Variants in ADGRB1 observed in about 807,000 individuals in gnomAD.
ADGRB1 encodes brain-specific angiogenesis inhibitor 1.
A neutral mutation model predicts 175.7 loss-of-function variants in ADGRB1; 36 were observed. The ratio of observed to expected loss-of-function variants is 0.20; its 90% confidence interval spans 0.16 to 0.27. The LOEUF (loss-of-function observed/expected upper bound fraction) is 0.27, where lower values mean the gene tolerates loss of function less well. Ranked by LOEUF, ADGRB1 falls within the 10% of genes least tolerant of loss-of-function variation. The probability of loss-of-function intolerance (pLI) is 1.00; values close to 1 mark genes in which losing one functional copy is unlikely to be tolerated. For synonymous variants in ADGRB1, 1,054 were observed against 979.4 expected (o/e 1.08, Z -1.42); for missense variants, 1,731 against 2,255.3 (o/e 0.77, Z 4.71).
chr8:142,521,575 C>T (rs372855767), intron 20 of ADGRB1, among the ~76,000 whole-genome samples: 2 of 152,242 alleles, frequency 1.3e-5, no homozygotes, highest in African/African-American at 4.8e-5. Context: ...AGCTCAGGGC[C>T]GCTGTGTGGG....
At chr8:142,482,131 G>A (rs1841380569) in intron 11 of ADGRB1, among the ~76,000 whole-genome samples, 2 of 144,362 alleles carry the variant, frequency 1.4e-5, no homozygotes, top group Non-Finnish European at 3.0e-5. Flanking sequence ...CCTGACCCTT[G>A]TCACAAACTG....
In ADGRB1 at chr8:142,490,792, T is replaced by C; in HGVS notation, c.2652T>C (p.Cys884=). ...CCCAGGGCACCACCAACCAGACCTG[T>C]ATCCTGTGGGATGAGACGGATGTGT... ...HMYNGTTNQT[C]ILWDETDVPS... Residue 884 remains cysteine (C), a synonymous_variant, in exon 17 of 31, where the codon TGT becomes TGC. Coordinates refer to ENST00000517894, the MANE Select transcript of ADGRB1 (RefSeq NM_001702.3). 6.3e-7 allele frequency: 1 copy of C among 1,584,800 alleles called. No homozygotes were observed. The highest frequency in any genetic ancestry group is 8.6e-7 in the Non-Finnish European group (1 of 1,165,310).
intron 2 of ADGRB1, among the ~76,000 whole-genome samples, chr8:142,469,589 ATGTGTGTGTGCACGTGCATG>A (rs779203206): frequency 2.9e-4 from 29 of 100,584 alleles, no homozygotes; most frequent in Non-Finnish European, 4.7e-4. Flanking sequence ...GCATGTGTGA[ATGTGTGTGTGCACGTGCATG>A]TGTGTGTATG....
intron 24 of ADGRB1, among the ~76,000 whole-genome samples, chr8:142,530,068 G>A (rs1252105927): frequency 1.3e-5 from 2 of 152,146 alleles, no homozygotes; most frequent in African/African-American, 2.4e-5. Flanking sequence ...ATATACATGT[G>A]AGTGTGCATC....
At position 142,492,935 on chromosome 8, in the gene ADGRB1, C is replaced by T. The variant is rs1457805612; in HGVS notation, c.2675+2120C>T. ...CCCTCCATCCGGGCTGTTCGCCGGCCGCGGCAGCTCTCGGGGGGCTGCGCC... is the reference window on the plus strand; with the variant it reads ...CCCTCCATCCGGGCTGTTCGCCGGCTGCGGCAGCTCTCGGGGGGCTGCGCC... On this transcript the variant is annotated intron_variant, in intron 17 of 30. Coordinates refer to ENST00000517894, the MANE Select transcript of ADGRB1 (RefSeq NM_001702.3). The surrounding 1 kb of genome is among the most constrained non-coding windows in gnomAD (Gnocchi z 4.4). Among the ~76,000 whole-genome samples, 3 of 151,996 alleles carry T rather than the reference C, an allele frequency of 2.0e-5. No homozygotes were observed. The highest frequency in any genetic ancestry group is 2.0e-4 in the East Asian group (1 of 5,126).
At chr8:142,469,981 C>T (rs1038771844) in intron 2 of ADGRB1, among the ~76,000 whole-genome samples, 2 of 152,216 alleles carry the variant, frequency 1.3e-5, no homozygotes, top group African/African-American at 4.8e-5. Context: ...GTCCATGTCC[C>T]TAGCAGGCAA....
chr8:142,514,667 G>C (rs182435620), intron 18 of ADGRB1, among the ~76,000 whole-genome samples: 1 of 152,234 alleles, frequency 6.6e-6, no homozygotes, highest in Non-Finnish European at 1.5e-5. Flanking sequence ...AGGTTCAGGG[G>C]TGTGATCATG....
At chr8:142,488,540 A>G (rs1841811263) in intron 14 of ADGRB1, 33 bp downstream of exon 14, 1 of 1,604,178 alleles carries the variant, frequency 6.2e-7, no homozygotes, top group Non-Finnish European at 8.5e-7. Flanking sequence ...GGGGACCTTC[A>G]TGGGGGACGT....
In ADGRB1 at chr8:142,543,790, T is replaced by TCATCCATC; in HGVS notation, c.4557+102_4557+109dup. ...CCCTTCTTCCCTGGATTTGTGCACT[T>TCATCCATC]CATCCATCCATCCATCCATCCATCC... On this transcript the variant is annotated intron_variant, in intron 30 of 30. Transcript: ENST00000517894. This position sits in a 1 kb window ranked among gnomAD's most constrained non-coding sequence, Gnocchi z 4.4. 1 of 1,248,316 alleles carries TCATCCATC rather than the reference T, an allele frequency of 8.0e-7. No homozygotes were observed. Among genetic ancestry groups the TCATCCATC allele is most frequent in the South Asian group, 1.3e-5 (1 of 77,442 alleles). 77.3% of individuals were successfully genotyped at this position (1,248,316 alleles called of 1,614,324 possible).
Position 142,464,729 on chromosome 8 carries a change from G to A in ADGRB1, c.531G>A (p.Gly177=), listed in dbSNP as rs1474038666. Reference sequence around the variant, plus strand: ...TCTCCGTGGAGTACCTGGTGGTGGGGAACCGCAACCCCAGCCGTGCCGCCT... The same window carrying A: ...TCTCCGTGGAGTACCTGGTGGTGGGAAACCGCAACCCCAGCCGTGCCGCCT... The part of the protein sequence containing the change: ...DDFSVEYLVV[G]NRNPSRAACQ... Residue 177 remains glycine (G), a synonymous_variant, in exon 2 of 31, where the codon GGG becomes GGA. Transcript: ENST00000517894. 1.3e-6 allele frequency: 2 copies of A among 1,533,970 alleles called. No individual in the cohort carries two copies. The highest frequency in any genetic ancestry group is 2.4e-5 in the South Asian group (2 of 83,922).
At position 142,510,673 on chromosome 8, in the gene ADGRB1, C is replaced by A. The variant is rs941599087; in HGVS notation, c.2676-259C>A. ...CCGCCCCGCCCCCGATCGCTCGGCT[C>A]CCCCGCCCGGCGCTCCCTCGGGCTG... On this transcript the variant is annotated intron_variant, in intron 17 of 30. Transcript: ENST00000517894. The surrounding 1 kb of genome is among the most constrained non-coding windows in gnomAD (Gnocchi z 6.3). Among the ~76,000 whole-genome samples, 1 of 145,542 alleles carries A rather than the reference C, an allele frequency of 6.9e-6. No homozygotes were observed. The highest frequency in any genetic ancestry group is 2.5e-5 in the African/African-American group (1 of 40,630).
intron 24 of ADGRB1, among the ~76,000 whole-genome samples, chr8:142,528,354 GC>G (rs1485703838): frequency 5.3e-5 from 8 of 152,152 alleles, no homozygotes; most frequent in African/African-American, 1.9e-4. Context: ...GCAGCCCTCA[GC>G]CCTGCCCACC....
Position 142,511,009 on chromosome 8 carries a change from G to A in ADGRB1, c.2753G>A (p.Arg918Gln). The A allele has an allele frequency of 1.5e-6, 2 of 1,306,350 alleles. No homozygotes were observed. The highest frequency in any genetic ancestry group is 1.4e-5 in the South Asian group (1 of 71,376). The allele number at this position is 1,306,350 out of a possible 1,614,324, so 80.9% of individuals were successfully genotyped here. A position where few individuals can be genotyped will look rare whatever the true frequency, so the allele number is the denominator to read the frequency against. ...GCRTVPLDAL[R>Q]TRCLCDRLST... ...CGCACGGTGCCCCTCGACGCCCTCC[G>A]GACGCGCTGCCTCTGTGACCGGCTC... The change falls in exon 18 of 31, where the codon CGG (arginine) becomes CAG (glutamine). Residue 918 changes from arginine (R) to glutamine (Q), a missense_variant. By Grantham distance (43) the Arg-to-Gln change is conservative. Transcript: ENST00000517894. This position sits in a 1 kb window ranked among gnomAD's most constrained non-coding sequence, Gnocchi z 4.5.
At chr8:142,505,047 G>T (rs1376095399) in intron 17 of ADGRB1, among the ~76,000 whole-genome samples, 1 of 142,912 alleles carries the variant, frequency 7.0e-6, no homozygotes, top group South Asian at 2.2e-4. Flanking sequence ...ATGCAGTGAA[G>T]GCTCTGGCTT....
At position 142,540,224 on chromosome 8, in the gene ADGRB1, T is replaced by C. The variant is rs529521356; in HGVS notation, c.3706+811T>C. Among the ~76,000 whole-genome samples, 17 of 151,868 alleles carry C rather than the reference T, an allele frequency of 1.1e-4. 1 individual carries two copies. The South Asian group carries it at 3.5e-3, about 32-fold the overall frequency. Reference sequence around the variant, plus strand: ...AGCTGGGACAGCCCCAGGTGGGGAGTGTGTGCTGGTGCCAGTTGGGCCCCA... The same window carrying C: ...AGCTGGGACAGCCCCAGGTGGGGAGCGTGTGCTGGTGCCAGTTGGGCCCCA... On this transcript the variant is annotated intron_variant, in intron 27 of 30. Coordinates refer to ENST00000517894, the MANE Select transcript of ADGRB1 (RefSeq NM_001702.3).
chr8:142,497,926 G>A (rs1258037809), intron 17 of ADGRB1, among the ~76,000 whole-genome samples: 1 of 152,184 alleles, frequency 6.6e-6, no homozygotes, highest in East Asian at 1.9e-4. Context: ...CCTGAACTTC[G>A]AGTGGGCTAG....
Position 142,492,559 on chromosome 8 carries a change from G to C in ADGRB1, c.2675+1744G>C, listed in dbSNP as rs2131895596. ...GTGTCTGGGGATGAGCGTCGCAGGG[G>C]AAGGAGCAGCCGGGGCAAAGGCCTC... On this transcript the variant is annotated intron_variant, in intron 17 of 30. Transcript: ENST00000517894. This position sits in a 1 kb window ranked among gnomAD's most constrained non-coding sequence, Gnocchi z 4.4. 6.6e-6 allele frequency among the ~76,000 whole-genome samples: 1 copy of C among 152,314 alleles called. No individual in the cohort carries two copies. Among genetic ancestry groups the C allele is most frequent in the African/African-American group, 2.4e-5 (1 of 41,562 alleles).
rs1365595905 is a variant in ADGRB1 at position 142,474,781 on chromosome 8, G to A, written c.785-693G>A. Among the ~76,000 whole-genome samples the A allele has an allele frequency of 1.3e-5, 2 of 152,154 alleles. No individual in the cohort carries two copies. The highest frequency in any genetic ancestry group is 2.9e-5 in the Non-Finnish European group (2 of 68,016). ...AGAGAAGCTGAACAGAGCGGCCGGG[G>A]TCAGGGCAGGGGCGTGGCGGGGAGG... On this transcript the variant is annotated intron_variant, in intron 2 of 30. Transcript: ENST00000517894. This position sits in a 1 kb window ranked among gnomAD's most constrained non-coding sequence, Gnocchi z 5.8.
At chr8:142,478,087 G>T in intron 6 of ADGRB1, 100 bp from the exon 7 acceptor site, 1 of 1,476,374 alleles carries the variant, frequency 6.8e-7, no homozygotes, top group East Asian at 2.5e-5. Flanking sequence ...CCCAGGCTGG[G>T]TGTGGGGTGG....
Sources: allele counts gnomAD v4.1 joint callset (sites outside exome capture counted in the v4.1 genomes callset), GRCh38; gene constraint gnomAD v4.1.1; non-coding constraint Gnocchi (gnomAD v3.1); transcripts MANE v1.5; gene names NCBI Gene and HGNC (gene_info 2026-07-23, HGNC 2026-07-21).